The following TICRR variants were observed in gnomAD, a reference collection of about 807,000 sequenced individuals.
TICRR encodes treslin.
In TICRR, 132 loss-of-function variants were observed where a neutral mutation model predicts 178.1. The observed-to-expected ratio is 0.74, with a 90% CI of 0.64 to 0.86. TICRR has a LOEUF of 0.86. Ranked by LOEUF, TICRR falls within the 40% of genes least tolerant of loss-of-function variation. The pLI is 0.00. For missense variants in TICRR, 2,587 were observed against 2,334.3 expected, an observed-to-expected ratio of 1.11 and a Z score of -2.23; for synonymous variants, 991 against 900.7, an observed-to-expected ratio of 1.10 and a Z score of -1.79.
At chr15:89,599,751 A>G (rs538021768) in intron 8 of TICRR, among the ~76,000 whole-genome samples, 1 of 152,218 alleles carries the variant, frequency 6.6e-6, no homozygotes, top group African/African-American at 2.4e-5. Flanking sequence ...TGTTAGCTGC[A>G]TGATTAAGCC....
rs1032890515 is a variant in TICRR, at chr15:89,624,558, C to T, written c.4248C>T (p.Ala1416=). 6.2e-7 allele frequency: 1 copy of T among 1,613,628 alleles called. No individual in the cohort carries two copies. Among genetic ancestry groups the T allele is most frequent in the African/African-American group, 1.3e-5 (1 of 74,922 alleles). The change falls in exon 20 of 22, where the codon GCC becomes GCT. Residue 1416 remains alanine (A), a synonymous_variant. Transcript: ENST00000268138. The part of the protein sequence containing the change: ...PGVGTADSPA[A]PTDSRDDQKG... ...TTGGCACAGCTGACAGCCCAGCTGCCCCCACAGACTCTAGAGATGACCAGA... is the reference window on the plus strand; with the variant it reads ...TTGGCACAGCTGACAGCCCAGCTGCTCCCACAGACTCTAGAGATGACCAGA...
In TICRR at chr15:89,583,621, A is replaced by C. The variant is rs1962769062; in HGVS notation, c.934+656A>C. Among the ~76,000 whole-genome samples, 4 of 152,092 alleles carry C rather than the reference A, an allele frequency of 2.6e-5. No homozygotes were observed. In the South Asian group the frequency reaches 8.3e-4, roughly 32 times the overall value. On this transcript the variant is annotated intron_variant, in intron 2 of 21. Coordinates refer to ENST00000268138, the MANE Select transcript of TICRR (RefSeq NM_152259.4). ...CATAAGATATGATGCACTGTACTTT[A>C]TGGATTTAAGAAGTGGTGTCTTCTT...
Position 89,603,998 on chromosome 15 carries a change from A to C in TICRR, c.2664+1106A>C, listed in dbSNP as rs1437624516. Among the ~76,000 whole-genome samples the C allele has an allele frequency of 7.9e-5, 12 of 152,260 alleles. No individual in the cohort carries two copies. In the East Asian group the frequency reaches 2.3e-3, roughly 29 times the overall value. ...ATGGGGTACTATTGTTGTTTTTTTC[A>C]TGGCAGTTGATATAAGGACTTGAGG... On this transcript the variant is annotated intron_variant, in intron 13 of 21. Coordinates refer to ENST00000268138, the MANE Select transcript of TICRR (RefSeq NM_152259.4).
intron 15 of TICRR, among the ~76,000 whole-genome samples, chr15:89,609,887 T>G (rs1035286775): frequency 6.6e-6 from 1 of 152,178 alleles, no homozygotes; most frequent in African/African-American, 2.4e-5. Flanking sequence ...ATTTGAGATC[T>G]TTTTTAATAA....
intron 15 of TICRR, among the ~76,000 whole-genome samples, chr15:89,615,074 A>G (rs929292199): frequency 6.6e-6 from 1 of 152,204 alleles, no homozygotes; most frequent in Non-Finnish European, 1.5e-5. Context: ...GTCCCCTGTG[A>G]TGTCTCATTC....
chr15:89,605,204 T>G (rs1330231527), intron 13 of TICRR, among the ~76,000 whole-genome samples: 1 of 152,196 alleles, frequency 6.6e-6, no homozygotes, highest in Admixed American at 6.5e-5. Flanking sequence ...CAACATCTAT[T>G]CAGTTCTGCT....
intron 15 of TICRR, among the ~76,000 whole-genome samples, chr15:89,613,322 G>A (rs947291655): frequency 7.2e-5 from 11 of 152,180 alleles, no homozygotes; most frequent in South Asian, 2.1e-4. Context: ...ATCTGTACAC[G>A]ATGAATAGCT....
chr15:89,585,913 A>G lies in TICRR; in HGVS notation c.1382A>G (p.His461Arg), dbSNP rs746832520. 4 of 1,614,028 alleles carry G rather than the reference A, an allele frequency of 2.5e-6. No individual in the cohort carries two copies. The East Asian group carries it at 8.9e-5, about 36-fold the overall frequency. ...GTGGATAGTATATTGAATCAGACTC[A>G]TGATTCGCTTGCAGATACTGCTTCT... ...DVVDSILNQT[H>R]DSLADTASAA... The change falls in exon 4 of 22, where the codon CAT (histidine) becomes CGT (arginine). Residue 461 changes from histidine (H) to arginine (R), a missense_variant. Physicochemically the swap from His to Arg is conservative, Grantham distance 29. Transcript: ENST00000268138.
intron 7 of TICRR, among the ~76,000 whole-genome samples, chr15:89,597,209 ATTGTCTTTGCTCCT>A (rs1011609449): frequency 3.3e-5 from 5 of 152,140 alleles, no homozygotes; most frequent in African/African-American, 1.2e-4. Context: ...CCACTATTGT[ATTGTCTTTGCTCCT>A]TTGTCAAAGA....
In TICRR at chr15:89,593,217, A is replaced by G. The variant is rs191913000; in HGVS notation, c.1541+1041A>G. On this transcript the variant is annotated intron_variant, in intron 5 of 21. Transcript: ENST00000268138. ...ATAGATAAATTTGGGAAGAACTGAC[A>G]TCTTAACAATGTTGAGTCATCCGAT... 2.4e-4 allele frequency among the ~76,000 whole-genome samples: 37 copies of G among 152,360 alleles called. 4 individuals carry two copies. Among genetic ancestry groups the G allele is most frequent in the Admixed American group, 1.6e-3 (24 of 15,304 alleles).
intron 17 of TICRR, among the ~76,000 whole-genome samples, chr15:89,619,221 CTTTTTTT>C (rs386383750): frequency 1.8e-5 from 2 of 112,006 alleles, no homozygotes; most frequent in Admixed American, 1.0e-4. Context: ...CACCATTCTT[CTTTTTTT>C]TTTTTTTTTT....
rs1218712675 is a variant in TICRR at position 89,576,023 on chromosome 15, C to T, written c.437C>T (p.Ala146Val). The T allele has an allele frequency of 6.2e-7, 1 of 1,609,366 alleles. No homozygotes were observed. The highest frequency in any genetic ancestry group is 1.1e-5 in the South Asian group (1 of 90,668). Residue 146 changes from alanine (A) to valine (V), a missense_variant, in exon 1 of 22, where the codon GCG becomes GTG. Ala to Val is a moderately conservative substitution (Grantham distance 64, BLOSUM62 0). Transcript: ENST00000268138. ...AGCGAGGCCAAGGAGGCCGAGGCCG[C>T]GCTCGGGGGCTTGGTGAACGCCGTC... is the stretch of plus-strand genomic sequence containing the variant. ...VESEAKEAEAALGGLVNAVFL... is the reference protein window; with the variant it reads ...VESEAKEAEAVLGGLVNAVFL...
rs1410281795 is a variant in TICRR at position 89,623,847 on chromosome 15, T to A, written c.3537T>A (p.His1179Gln). The change falls in exon 20 of 22, where the codon CAT (histidine) becomes CAA (glutamine). Residue 1179 changes from histidine (H) to glutamine (Q), a missense_variant. Coordinates refer to ENST00000268138, the MANE Select transcript of TICRR (RefSeq NM_152259.4). The part of the protein sequence containing the change: ...LDSKITPQKR[H>Q]TQAGEGTSLE... ...CAAAAATCACTCCTCAAAAACGACATACCCAGGCAGGAGAAGGTACCTCTC... is the reference window on the plus strand; with the variant it reads ...CAAAAATCACTCCTCAAAAACGACAAACCCAGGCAGGAGAAGGTACCTCTC... The A allele has an allele frequency of 6.2e-7, 1 of 1,613,782 alleles. No individual in the cohort carries two copies.
intron 1 of TICRR, among the ~76,000 whole-genome samples, chr15:89,580,733 G>A (rs1027356818): frequency 1.3e-5 from 2 of 152,098 alleles, no homozygotes; most frequent in South Asian, 2.1e-4. Context: ...GTCATGATCC[G>A]AATTTTAAAA....
intron 19 of TICRR, 36 bp downstream of exon 19, chr15:89,621,586 C>T: frequency 3.2e-6 from 5 of 1,557,916 alleles, no homozygotes; most frequent in Non-Finnish European, 4.4e-6. Flanking sequence ...ATAATATAAT[C>T]TCCTGGAACA....
intron 2 of TICRR, among the ~76,000 whole-genome samples, chr15:89,583,213 G>A (rs967898099): frequency 1.3e-5 from 2 of 152,186 alleles, no homozygotes; most frequent in African/African-American, 4.8e-5. Flanking sequence ...AAGTTTACCA[G>A]CTGTTCCCAA....
chr15:89,577,752 G>A (rs1962651337), intron 1 of TICRR, among the ~76,000 whole-genome samples: 1 of 151,818 alleles, frequency 6.6e-6, no homozygotes, highest in South Asian at 2.1e-4. Flanking sequence ...GGGATTATAA[G>A]CGGGCGCCAC....
At chr15:89,613,080 C>G (rs1164169406) in intron 15 of TICRR, among the ~76,000 whole-genome samples, 1 of 152,174 alleles carries the variant, frequency 6.6e-6, no homozygotes, top group East Asian at 1.9e-4. Flanking sequence ...TCCTTTCAGC[C>G]CACAGGACTC....
At chr15:89,584,233 CT>C in intron 2 of TICRR, 52 bp from the exon 3 acceptor site, 2 of 1,490,606 alleles carry the variant, frequency 1.3e-6, no homozygotes, top group Non-Finnish European at 1.8e-6. Context: ...GAATTTTAAT[CT>C]TTTTTTAAAA....
Sources: gnomAD v4.1 joint callset for allele counts (sites outside exome capture counted in the v4.1 genomes callset) on GRCh38, gnomAD v4.1.1 for gene constraint, MANE v1.5 for transcripts, NCBI Gene and HGNC (gene_info 2026-07-23, HGNC 2026-07-21) for gene names.